Variants in PLXNA4 observed in about 807,000 individuals in gnomAD.
PLXNA4 encodes the protein plexin A4.
Under a neutral mutation model 191.8 loss-of-function variants are expected in PLXNA4, and 44 were observed. The ratio of observed to expected loss-of-function variants is 0.23; its 90% CI spans 0.18 to 0.29. The LOEUF (loss-of-function observed/expected upper bound fraction) is 0.29, where lower values mean the gene tolerates loss of function less well. PLXNA4 is among the 10% of genes least tolerant of loss of function. The probability of loss-of-function intolerance (pLI) is 1.00; values close to 1 mark genes in which losing one functional copy is unlikely to be tolerated. For synonymous variants in PLXNA4, 1,082 were observed against 1,009.5 expected (o/e 1.07, Z -1.36); for missense variants, 1,800 against 2,488.8 (o/e 0.72, Z 5.89).
At chr7:132,153,309 G>A (rs1206731397) in intron 25 of PLXNA4, among the ~76,000 whole-genome samples, 1 of 152,148 alleles carries the variant, frequency 6.6e-6, no homozygotes, top group Admixed American at 6.5e-5. Context: ...GCTAAGTTAA[G>A]AAAGATCCAG....
At chr7:132,192,506 A>G (rs1797123918) in intron 14 of PLXNA4, among the ~76,000 whole-genome samples, 1 of 150,224 alleles carries the variant, frequency 6.7e-6, no homozygotes, top group Admixed American at 6.6e-5. Context: ...GGAAGGAAGG[A>G]AGGGAGAGAG....
rs201637265 is a variant in PLXNA4, at chr7:132,180,715, C to T, written c.3510G>A (p.Pro1170=). 6.8e-5 allele frequency: 109 copies of T among 1,614,142 alleles called. No homozygotes were observed. In the African/African-American group the frequency reaches 8.4e-4, roughly 12 times the overall value. The change falls in exon 19 of 32, where the codon CCG becomes CCA. Residue 1170 remains proline, a synonymous_variant. Transcript: ENST00000321063. ...PIILKGKNLI[P]PVAGGNVKLN... ...GCTTCACGTTGCCCCCAGCCACAGGCGGGATCAGGTTCTTGCCCTGTACAA... is the reference window on the plus strand; with the variant it reads ...GCTTCACGTTGCCCCCAGCCACAGGTGGGATCAGGTTCTTGCCCTGTACAA...
At chr7:132,512,728 G>C (rs901959746) in intron 1 of PLXNA4, among the ~76,000 whole-genome samples, 8 of 152,172 alleles carry the variant, frequency 5.3e-5, no homozygotes, top group Non-Finnish European at 1.2e-4. Flanking sequence ...TCCCTGAGCT[G>C]TCTAAGGCTG....
chr7:132,229,904 T>TG (rs1798467990), intron 5 of PLXNA4, among the ~76,000 whole-genome samples: 1 of 152,138 alleles, frequency 6.6e-6, no homozygotes, highest in African/African-American at 2.4e-5. Flanking sequence ...TCCTAACCTT[T>TG]GGCCACAGCA....
At chr7:132,563,220 T>C (rs201675225) in intron 1 of PLXNA4, among the ~76,000 whole-genome samples, 236 of 35,264 alleles carry the variant, frequency 6.7e-3, no homozygotes, top group East Asian at 0.012. Context: ...TCCTCCTCCT[T>C]CTCCTCCTCT....
chr7:132,641,276 G>T (rs1052353338), intron 2 of PLXNA4, among the ~76,000 whole-genome samples: 3 of 152,150 alleles, frequency 2.0e-5, no homozygotes, highest in African/African-American at 7.2e-5. Context: ...GCTTTATTTT[G>T]TCACAATTCT....
At chr7:132,310,584 C>T (rs1379666593) in intron 3 of PLXNA4, among the ~76,000 whole-genome samples, 1 of 152,222 alleles carries the variant, frequency 6.6e-6, no homozygotes, top group Non-Finnish European at 1.5e-5. Flanking sequence ...GCACTAAGGG[C>T]ACCCGCAGCA....
At chr7:132,328,947 T>C (rs1043582557) in intron 3 of PLXNA4, among the ~76,000 whole-genome samples, 5 of 152,152 alleles carry the variant, frequency 3.3e-5, no homozygotes, top group Admixed American at 6.5e-5. Flanking sequence ...AAGGTCTGGG[T>C]TCCTGGGGAA....
chr7:132,280,125 C>T (rs1800425406), intron 4 of PLXNA4, among the ~76,000 whole-genome samples: 1 of 152,106 alleles, frequency 6.6e-6, no homozygotes, highest in Non-Finnish European at 1.5e-5. Flanking sequence ...TTTCATGACC[C>T]ACTAAATTGA....
At position 132,194,042 on chromosome 7, in the gene PLXNA4, C is replaced by T. The variant is rs758178780; in HGVS notation, c.2856+20G>A. The T allele has an allele frequency of 5.0e-6, 8 of 1,607,328 alleles. No individual in the cohort carries two copies. In the South Asian group the frequency reaches 8.9e-5, roughly 18 times the overall value. On this transcript the variant is annotated intron_variant, in intron 14 of 31. Coordinates refer to ENST00000321063, the MANE Select transcript of PLXNA4 (RefSeq NM_020911.2). ...CTCTGTGGCCTGCACCCAGCCAGATCACTGCTGGCCAAGACTCACCATGAA... is the reference window on the plus strand; with the variant it reads ...CTCTGTGGCCTGCACCCAGCCAGATTACTGCTGGCCAAGACTCACCATGAA...
upstream of PLXNA4, chr7:132,576,614 G>A: frequency 2.0e-6 from 2 of 985,812 alleles, no homozygotes; most frequent in South Asian, 4.7e-5. This position sits in a 1 kb window ranked among gnomAD's most constrained non-coding sequence, Gnocchi z 5.8. Flanking sequence ...GGAACGCGGA[G>A]GGCGCCGAAT....
chr7:132,305,779 G>A (rs1353249217), intron 3 of PLXNA4, among the ~76,000 whole-genome samples: 3 of 152,052 alleles, frequency 2.0e-5, no homozygotes, highest in Non-Finnish European at 4.4e-5. Context: ...CGTCTTGCTT[G>A]GACTAATCTC....
intron 1 of PLXNA4, among the ~76,000 whole-genome samples, chr7:132,515,091 C>G (rs930276197): frequency 1.3e-5 from 2 of 150,226 alleles, no homozygotes; most frequent in African/African-American, 4.8e-5. Flanking sequence ...ATCAGGTCTC[C>G]GACAAGCAAC....
intron 4 of PLXNA4, among the ~76,000 whole-genome samples, chr7:132,265,456 C>T (rs535942274): frequency 6.6e-6 from 1 of 152,184 alleles, no homozygotes; most frequent in South Asian, 2.1e-4. Context: ...TGAATATGGT[C>T]AATTGGCATC....
intron 10 of PLXNA4, among the ~76,000 whole-genome samples, chr7:132,206,841 G>A (rs903064821): frequency 6.6e-6 from 1 of 152,134 alleles, no homozygotes; most frequent in African/African-American, 2.4e-5. Flanking sequence ...ATAGCTCTCT[G>A]TAATCAGCAG....
At chr7:132,333,717 G>A (rs1436200250) in intron 3 of PLXNA4, among the ~76,000 whole-genome samples, 1 of 152,206 alleles carries the variant, frequency 6.6e-6, no homozygotes, top group Non-Finnish European at 1.5e-5. Flanking sequence ...TCCTGAGAAA[G>A]AGACATCATT....
At chr7:132,318,574 C>A (rs1802037511) in intron 3 of PLXNA4, among the ~76,000 whole-genome samples, 1 of 150,938 alleles carries the variant, frequency 6.6e-6, no homozygotes, top group African/African-American at 2.4e-5. Flanking sequence ...ACTTGCACAT[C>A]TTTACCTCCT....
At chr7:132,370,261 A>G (rs1289996805) in intron 3 of PLXNA4, among the ~76,000 whole-genome samples, 4 of 152,152 alleles carry the variant, frequency 2.6e-5, no homozygotes, top group Admixed American at 2.6e-4. Context: ...GTGGATGCAG[A>G]GAGGCTGCCC....
chr7:132,269,746 A>G (rs1453103933), intron 4 of PLXNA4, among the ~76,000 whole-genome samples: 2 of 152,016 alleles, frequency 1.3e-5, no homozygotes, highest in Non-Finnish European at 2.9e-5. Flanking sequence ...TTTTCTGGGA[A>G]TGTGGCTTCA....
Sources: gnomAD v4.1 joint callset for allele counts (sites outside exome capture counted in the v4.1 genomes callset) on GRCh38, gnomAD v4.1.1 for gene constraint, Gnocchi (gnomAD v3.1) non-coding constraint, MANE v1.5 for transcripts, NCBI Gene and HGNC (gene_info 2026-07-23, HGNC 2026-07-21) for gene names.